Variants in CEP295 observed in about 807,000 individuals in gnomAD.
CEP295 encodes centrosomal protein of 295 kDa.
A neutral mutation model predicts 291.6 loss-of-function variants in CEP295; 190 were observed. The ratio of observed to expected loss-of-function variants is 0.65; its 90% confidence interval spans 0.58 to 0.73. The LOEUF (loss-of-function observed/expected upper bound fraction) is 0.73. Ranked by LOEUF, CEP295 falls within the 30% of genes least tolerant of loss-of-function variation. The pLI is 0.00. For synonymous variants in CEP295, 993 were observed against 1,038.8 expected (o/e 0.96, Z 0.85); for missense variants, 2,863 against 2,949.4 (o/e 0.97, Z 0.68).
intron 18 of CEP295, among the ~76,000 whole-genome samples, chr11:93,718,297 A>T (rs1385654534): frequency 6.6e-6 from 1 of 152,234 alleles, no homozygotes; most frequent in Non-Finnish European, 1.5e-5. Flanking sequence ...GATTTTTAAG[A>T]TGGAGCCACT....
chr11:93,675,748 T>C, intron 6 of CEP295, 82 bp downstream of exon 6: 1 of 736,390 alleles, frequency 1.4e-6, no homozygotes, highest in Non-Finnish European at 2.2e-6. Context: ...GTTATATGTA[T>C]GGTGTTCCCA....
At chr11:93,707,316 C>T (rs1952568358) in intron 18 of CEP295, among the ~76,000 whole-genome samples, 1 of 151,974 alleles carries the variant, frequency 6.6e-6, no homozygotes, top group South Asian at 2.1e-4. Context: ...ATCACTTAAT[C>T]CTAACACCCA....
In CEP295 at chr11:93,667,649, G is replaced by A; in HGVS notation, c.151G>A (p.Asp51Asn). The change falls in exon 3 of 30, where the codon GAC becomes AAC. Residue 51 changes from aspartate to asparagine, a missense_variant. Physicochemically the swap from Asp to Asn is conservative, Grantham distance 23. Transcript: ENST00000325212. ...AGATATCGCCTTACAGATAAGAGAA[G>A]ACATAAAACAGAGGAGAAATCAACA... is the stretch of plus-strand genomic sequence containing the variant. ...ERDIALQIREDIKQRRNQQFT... is the reference protein window; with the variant it reads ...ERDIALQIRENIKQRRNQQFT... 1.3e-6 allele frequency: 2 copies of A among 1,551,314 alleles called. No homozygotes were observed. The highest frequency in any genetic ancestry group is 8.7e-7 in the Non-Finnish European group (1 of 1,146,746).
intron 12 of CEP295, 39 bp downstream of exon 12, chr11:93,692,069 CT>C: frequency 9.0e-7 from 1 of 1,112,448 alleles, no homozygotes. Flanking sequence ...TATTTTTCCC[CT>C]AGGTACTATT....
intron 15 of CEP295, among the ~76,000 whole-genome samples, chr11:93,700,556 G>A (rs547964376): frequency 6.6e-6 from 1 of 150,974 alleles, no homozygotes; most frequent in Non-Finnish European, 1.5e-5. Context: ...CTCCCAAGTA[G>A]CTGGGATTAC....
chr11:93,689,695 A>G (rs765220471), intron 10 of CEP295, among the ~76,000 whole-genome samples: 13 of 152,138 alleles, frequency 8.5e-5, no homozygotes, highest in Non-Finnish European at 1.6e-4. Context: ...TGGGCCCAGT[A>G]AAGTGACTGG....
intron 5 of CEP295, 91 bp from the exon 6 acceptor site, chr11:93,675,480 A>G (rs1361765125): frequency 1.3e-5 from 8 of 632,170 alleles, no homozygotes; most frequent in African/African-American, 1.9e-5. Flanking sequence ...CGGAGAACTC[A>G]TTAAAATACA....
intron 18 of CEP295, among the ~76,000 whole-genome samples, chr11:93,715,004 A>G (rs566451223): frequency 6.6e-6 from 1 of 152,244 alleles, no homozygotes; most frequent in African/African-American, 2.4e-5. Flanking sequence ...CCTGCCTACC[A>G]TCTTTGTTCA....
Position 93,721,995 on chromosome 11 carries a change from T to C in CEP295, c.5892T>C (p.Val1964=), listed in dbSNP as rs753626364. The C allele has an allele frequency of 6.3e-7, 1 of 1,586,294 alleles. No homozygotes were observed. The highest frequency in any genetic ancestry group is 1.1e-5 in the South Asian group (1 of 88,604). Residue 1964 remains valine (V), a synonymous_variant, in exon 20 of 30, where the codon GTT becomes GTC. Transcript: ENST00000325212. ...ATGAACCATTATCTTCAGCAACTGTTTCCACTGGGAGCCTTTTAAGTTATG... is the reference window on the plus strand; with the variant it reads ...ATGAACCATTATCTTCAGCAACTGTCTCCACTGGGAGCCTTTTAAGTTATG... ...LSYEPLSSAT[V]STGSLLSYEN...
chr11:93,721,885 G>A lies in CEP295; in HGVS notation c.5851-69G>A, dbSNP rs1953757228. ...GAGCTCAGAAGTGACAACTGCTGGG[G>A]TTGGTGATTTGGGGTTTTCTTACAT... On this transcript the variant is annotated intron_variant, in intron 19 of 29. Coordinates refer to ENST00000325212, the MANE Select transcript of CEP295 (RefSeq NM_033395.2). 12 of 999,832 alleles carry A rather than the reference G, an allele frequency of 1.2e-5. No individual in the cohort carries two copies. The South Asian group carries it at 1.6e-4, about 13-fold the overall frequency. 61.9% of individuals were successfully genotyped at this position (999,832 alleles called of 1,614,324 possible).
At chr11:93,706,511 T>TCA (rs1430136103) in intron 17 of CEP295, among the ~76,000 whole-genome samples, 1 of 152,238 alleles carries the variant, frequency 6.6e-6, no homozygotes, top group Admixed American at 6.5e-5. Context: ...GAATTTTCTT[T>TCA]GTGATTAGTC....
At chr11:93,669,937 A>G (rs565395781) in intron 5 of CEP295, among the ~76,000 whole-genome samples, 167 bp downstream of exon 5, 14 of 152,228 alleles carry the variant, frequency 9.2e-5, no homozygotes, top group African/African-American at 2.9e-4. Context: ...TCTAGATATC[A>G]TTTCACCTGT....
In CEP295 at chr11:93,724,255, A is replaced by C; in HGVS notation, c.6198A>C (p.Glu2066Asp). The C allele has an allele frequency of 1.9e-6, 3 of 1,546,690 alleles. No homozygotes were observed. The highest frequency in any genetic ancestry group is 2.6e-6 in the Non-Finnish European group (3 of 1,145,712). The change falls in exon 22 of 30, where the codon GAA becomes GAC. Residue 2066 changes from glutamate to aspartate, a missense_variant and splice_region_variant. This residue lies in a region of CEP295 where 2,295 missense variants were observed against 2,335.7 expected (regional missense o/e 0.98). Transcript: ENST00000325212. ...NLIPEKTDLQ[E>D]LEHIFPNLHH... ...TAACAGTTGACCTTGACTTTCCAGA[A>C]TTGGAACACATTTTTCCTAATTTGC...
At chr11:93,688,063 A>C (rs182523667) in intron 10 of CEP295, among the ~76,000 whole-genome samples, 198 bp downstream of exon 10, 1 of 152,278 alleles carries the variant, frequency 6.6e-6, no homozygotes, top group East Asian at 1.9e-4. Context: ...TTATTTATAT[A>C]TATTAATTGC....
Position 93,698,472 on chromosome 11 carries a change from T to C in CEP295, c.3560T>C (p.Val1187Ala). The C allele has an allele frequency of 6.4e-7, 1 of 1,551,982 alleles. No homozygotes were observed. Among genetic ancestry groups the C allele is most frequent in the Non-Finnish European group, 8.7e-7 (1 of 1,147,050 alleles). The change falls in exon 15 of 30, where the codon GTA becomes GCA. Residue 1187 changes from valine to alanine, a missense_variant. By Grantham distance (64) the Val-to-Ala change is moderately conservative. Coordinates refer to ENST00000325212, the MANE Select transcript of CEP295 (RefSeq NM_033395.2). ...LGAKEGTQEF[V>A]HTESELEKRI... ...GCTAAAGAAGGAACTCAGGAATTTG[T>C]ACACACAGAAAGTGAATTGGAGAAA...
intron 21 of CEP295, chr11:93,723,989 T>A (rs1214534917): frequency 5.1e-6 from 1 of 195,342 alleles, no homozygotes; most frequent in South Asian, 1.6e-4. Flanking sequence ...TTTAAAAAAA[T>A]TAAATTTCTC....
chr11:93,724,460 A>G, intron 22 of CEP295, 85 bp downstream of exon 22: 1 of 1,313,272 alleles, frequency 7.6e-7, no homozygotes, highest in Non-Finnish European at 1.1e-6. Context: ...AGTTCTTCTA[A>G]ACCCTTACCT....
chr11:93,719,246 G>GTTTTTTTTTTTTTTTTTTTTTTT (rs61255145), intron 18 of CEP295, among the ~76,000 whole-genome samples: 1 of 135,530 alleles, frequency 7.4e-6, no homozygotes, highest in Non-Finnish European at 1.6e-5. Context: ...TTTTTTCCGG[G>GTTTTTTTTTTTTTTTTTTTTTTT]TTTTTTTTTT....
intron 18 of CEP295, among the ~76,000 whole-genome samples, chr11:93,712,877 G>GTTC (rs1953004404): frequency 6.8e-6 from 1 of 146,164 alleles, no homozygotes; most frequent in South Asian, 2.2e-4. Context: ...TGTTGTTGTT[G>GTTC]TTGTTGTTGT....
Sources: allele counts gnomAD v4.1 joint callset (sites outside exome capture counted in the v4.1 genomes callset), GRCh38; gene constraint gnomAD v4.1.1; regional missense constraint gnomAD v4.1.1; transcripts MANE v1.5; gene names NCBI Gene and HGNC (gene_info 2026-07-23, HGNC 2026-07-21).